The following TRUB1 variants were observed in gnomAD, a reference collection of about 807,000 sequenced individuals.
TRUB1 encodes pseudouridylate synthase TRUB1.
Under a neutral mutation model 33.9 loss-of-function variants are expected in TRUB1, and 23 were observed. That is an observed-to-expected ratio of 0.68 (90% confidence interval 0.49 to 0.96). The LOEUF is 0.96. TRUB1 is among the 40% of genes least tolerant of loss of function. The probability of loss-of-function intolerance (pLI) is 0.00; values close to 1 mark genes in which losing one functional copy is unlikely to be tolerated. For synonymous variants in TRUB1, 163 were observed against 165.4 expected (o/e 0.99, Z 0.11); for missense variants, 378 against 422.2 (o/e 0.90, Z 0.92).
intron 3 of TRUB1, among the ~76,000 whole-genome samples, chr10:114,955,889 TGAA>T (rs1215438968): frequency 1.3e-5 from 2 of 152,240 alleles, no homozygotes; most frequent in Non-Finnish European, 2.9e-5. Flanking sequence ...TCCTTCTTAA[TGAA>T]GACATTCAAA....
Position 114,976,199 on chromosome 10 carries a change from A to G in TRUB1, c.*820A>G, listed in dbSNP as rs1046787096. 1 of 149,818 alleles carries G rather than the reference A, an allele frequency of 6.7e-6. No homozygotes were observed. The highest frequency in any genetic ancestry group is 1.9e-4 in the East Asian group (1 of 5,200). The allele number at this position is 149,818 out of a possible 1,614,324, so 9.3% of individuals were successfully genotyped here. ...GAATGTGTCTTCAACTAAAAACTTT[A>G]TTCTTTAGCATTTATTTATATTTCT... On this transcript the variant is annotated 3_prime_UTR_variant, in exon 8 of 8. Transcript: ENST00000298746.
chr10:114,956,641 G>A lies in TRUB1; in HGVS notation c.442-3085G>A, dbSNP rs555906012. On this transcript the variant is annotated intron_variant, in intron 3 of 7. Coordinates refer to ENST00000298746, the MANE Select transcript of TRUB1 (RefSeq NM_139169.5). ...TAAGGACTCCTGAGACTCTTTCAGG[G>A]TGTCTGTTGAAATTGAAACTATTTT... 2.0e-5 allele frequency among the ~76,000 whole-genome samples: 3 copies of A among 152,264 alleles called. No homozygotes were observed. In the East Asian group the frequency reaches 5.8e-4, roughly 29 times the overall value.
At chr10:114,970,023 T>C (rs999527667) in intron 4 of TRUB1, among the ~76,000 whole-genome samples, 1 of 152,240 alleles carries the variant, frequency 6.6e-6, no homozygotes, top group Admixed American at 6.5e-5. Flanking sequence ...TATTAATTAC[T>C]GCAGGATCAT....
intron 2 of TRUB1, among the ~76,000 whole-genome samples, chr10:114,947,345 C>T (rs951630738): frequency 1.3e-5 from 2 of 151,932 alleles, no homozygotes; most frequent in Non-Finnish European, 2.9e-5. Flanking sequence ...TGTTTTAAGA[C>T]AGATTGGTAA....
chr10:114,973,353 G>A (rs186543365), intron 6 of TRUB1, among the ~76,000 whole-genome samples: 1 of 152,166 alleles, frequency 6.6e-6, no homozygotes, highest in Non-Finnish European at 1.5e-5. Flanking sequence ...ACTAGGGAGA[G>A]TGTAACGGGC....
intron 2 of TRUB1, among the ~76,000 whole-genome samples, chr10:114,946,720 T>C (rs1326711963): frequency 9.1e-6 from 1 of 110,178 alleles, no homozygotes; most frequent in Non-Finnish European, 1.9e-5. Context: ...ACTTTTACTT[T>C]CAACATTTTT....
At chr10:114,953,179 G>C (rs1250986174) in intron 3 of TRUB1, among the ~76,000 whole-genome samples, 2 of 151,970 alleles carry the variant, frequency 1.3e-5, no homozygotes, top group Non-Finnish European at 2.9e-5. Flanking sequence ...ATACATCATT[G>C]ACTCTGGTAT....
intron 3 of TRUB1, among the ~76,000 whole-genome samples, chr10:114,954,427 A>G (rs1017463254): frequency 9.2e-5 from 14 of 152,240 alleles, no homozygotes; most frequent in Non-Finnish European, 4.4e-5. Flanking sequence ...TTACTAGATG[A>G]AATTCTGGCT....
chr10:114,941,214 T>C (rs1474661646), intron 1 of TRUB1, among the ~76,000 whole-genome samples: 1 of 152,200 alleles, frequency 6.6e-6, no homozygotes, highest in African/African-American at 2.4e-5. Context: ...TCACTTGAAG[T>C]CTAATAGCCA....
intron 2 of TRUB1, among the ~76,000 whole-genome samples, chr10:114,944,692 G>GA (rs1347362897): frequency 1.3e-5 from 2 of 151,782 alleles, no homozygotes; most frequent in Non-Finnish European, 2.9e-5. Flanking sequence ...ACATAAAATA[G>GA]AAAAAAATCA....
At chr10:114,960,839 G>T (rs541003955) in intron 4 of TRUB1, among the ~76,000 whole-genome samples, 45 of 152,170 alleles carry the variant, frequency 3.0e-4, no homozygotes, top group Admixed American at 6.5e-4. Flanking sequence ...AGGGCAATAG[G>T]AGGACGTCAG....
intron 3 of TRUB1, among the ~76,000 whole-genome samples, chr10:114,956,669 T>C (rs2084262940): frequency 6.6e-6 from 1 of 152,194 alleles, no homozygotes; most frequent in South Asian, 2.1e-4. Context: ...ACTATTTTCA[T>C]AGTTTTGCCT....
intron 4 of TRUB1, among the ~76,000 whole-genome samples, chr10:114,969,773 G>C (rs2084327225): frequency 6.7e-6 from 1 of 148,222 alleles, no homozygotes; most frequent in Admixed American, 6.7e-5. Flanking sequence ...CAACAGAGAA[G>C]GGGGAGGCTG....
chr10:114,964,982 T>G (rs2084300954), intron 4 of TRUB1, among the ~76,000 whole-genome samples: 1 of 148,200 alleles, frequency 6.7e-6, no homozygotes, highest in East Asian at 2.0e-4. Flanking sequence ...CAGGCTGGAG[T>G]GCAGTAGCAC....
At chr10:114,950,952 G>T in intron 2 of TRUB1, 142 bp from the exon 3 acceptor site, 1 of 605,702 alleles carries the variant, frequency 1.7e-6, no homozygotes, top group South Asian at 2.1e-5. Flanking sequence ...TGGAGTAATA[G>T]GAGCCCTAAC....
intron 2 of TRUB1, among the ~76,000 whole-genome samples, chr10:114,950,533 C>G (rs977348796): frequency 6.6e-6 from 1 of 152,134 alleles, no homozygotes; most frequent in Non-Finnish European, 1.5e-5. Flanking sequence ...GAAAGGTAGG[C>G]CATTGTTGTA....
In TRUB1 at chr10:114,972,310, G is replaced by C. The variant is rs779371829; in HGVS notation, c.736+36G>C. 5 of 1,561,728 alleles carry C rather than the reference G, an allele frequency of 3.2e-6. No homozygotes were observed. In the South Asian group the frequency reaches 6.0e-5, roughly 19 times the overall value. On this transcript the variant is annotated intron_variant, in intron 6 of 7. Transcript: ENST00000298746. The stretch of plus-strand genomic sequence containing the variant: ...GAAATTTGAAATCATTTGTATTTAC[G>C]TGTATTTTTAATTTGTATTTGGCTA...
At chr10:114,959,903 A>G (rs753512060) in intron 4 of TRUB1, 96 bp downstream of exon 4, 1 of 717,302 alleles carries the variant, frequency 1.4e-6, no homozygotes, top group Admixed American at 2.8e-5. Flanking sequence ...ATTATCAGCC[A>G]TTTTAATTCT....
At chr10:114,972,327 AT>A in intron 6 of TRUB1, 53 bp downstream of exon 6, 1 of 1,537,566 alleles carries the variant, frequency 6.5e-7, no homozygotes, top group South Asian at 1.2e-5. Flanking sequence ...TTTAATTTGT[AT>A]TTGGCTACTT....
Sources: allele counts gnomAD v4.1 joint callset (sites outside exome capture counted in the v4.1 genomes callset), GRCh38; gene constraint gnomAD v4.1.1; transcripts MANE v1.5; gene names NCBI Gene and HGNC (gene_info 2026-07-23, HGNC 2026-07-21).